Variants in WDR90 observed in about 807,000 individuals in gnomAD.
WDR90 encodes the protein WD repeat-containing protein 90.
Under a neutral mutation model 195.2 loss-of-function variants are expected in WDR90, and 238 were observed. That is an observed-to-expected ratio of 1.22 (90% confidence interval 1.10 to 1.36). The LOEUF is 1.36. WDR90 is among the 40% of genes most tolerant of loss of function. WDR90 has a pLI of 0.00. For synonymous variants in WDR90, 1,265 were observed against 1,052.4 expected (o/e 1.20, Z -3.91); for missense variants, 2,734 against 2,439.5 (o/e 1.12, Z -2.54).
intron 28 of WDR90, 126 bp from the exon 29 acceptor site, chr16:660,925 G>A: frequency 1.3e-6 from 1 of 773,038 alleles, no homozygotes; most frequent in Admixed American, 4.0e-5. Context: ...CTGGGACGAT[G>A]CTAACCCCTT....
Position 651,027 on chromosome 16 carries a change from GT to G in WDR90, c.593del (p.Val198GlyfsTer32), listed in dbSNP as rs765130080. The G allele has an allele frequency of 1.9e-6, 3 of 1,613,398 alleles. No individual in the cohort carries two copies. In the South Asian group the frequency reaches 3.3e-5, roughly 18 times the overall value. ...TGGGGCCCAGTGGGCAAAGCTGCCCGTGACTCCTATGCCTCGGGAAATGGCA... is the reference window on the plus strand; with the variant it reads ...TGGGGCCCAGTGGGCAAAGCTGCCCGGACTCCTATGCCTCGGGAAATGGCA... ...ISGAQWAKLP[V>X]TPMPREMAFP... On this transcript the variant is annotated frameshift_variant, in exon 6 of 41. Transcript: ENST00000293879. LOFTEE classifies it high-confidence loss of function.
intron 10 of WDR90, 47 bp downstream of exon 10, chr16:652,582 C>A (rs754066399): frequency 6.4e-7 from 1 of 1,558,064 alleles, no homozygotes; most frequent in Admixed American, 1.9e-5. Flanking sequence ...TTGGCCGGCT[C>A]GAGCGCTGAG....
intron 34 of WDR90, chr16:665,191 G>A (rs1006195246): frequency 1.0e-5 from 3 of 288,698 alleles, no homozygotes; most frequent in African/African-American, 2.1e-5. Flanking sequence ...GGAGGAATGC[G>A]ACTGCATGGC....
At position 661,592 on chromosome 16, in the gene WDR90, C is replaced by G. The variant is rs115255289; in HGVS notation, c.3674-5C>G. Reference sequence around the variant, plus strand: ...CCTGACGTGGCTGCTCTGTGTCCTTCCCAGGGGACCACGATGGCCGCACCC... The same window carrying G: ...CCTGACGTGGCTGCTCTGTGTCCTTGCCAGGGGACCACGATGGCCGCACCC... On this transcript the variant is annotated splice_polypyrimidine_tract_variant and splice_region_variant and intron_variant, in intron 30 of 40. Coordinates refer to ENST00000293879, the MANE Select transcript of WDR90 (RefSeq NM_145294.5). 8.5e-4 allele frequency: 1,341 copies of G among 1,585,942 alleles called. 17 individuals carry two copies. The African/African-American group carries it at 0.016, about 18-fold the overall frequency.
intron 13 of WDR90, 74 bp from the exon 14 acceptor site, chr16:654,955 C>G: frequency 6.8e-7 from 1 of 1,473,570 alleles, no homozygotes; most frequent in Non-Finnish European, 9.4e-7. Flanking sequence ...CCGGGTGGGG[C>G]TCGGCTGGGC....
At position 651,029 on chromosome 16, in the gene WDR90, GACTCCTAT is replaced by G. The variant is rs750359934; in HGVS notation, c.595_602del (p.Thr199AlafsTer16). 3 of 1,613,412 alleles carry G rather than the reference GACTCCTAT, an allele frequency of 1.9e-6. No individual in the cohort carries two copies. In the South Asian group the frequency reaches 3.3e-5, roughly 18 times the overall value. On this transcript the variant is annotated frameshift_variant, in exon 6 of 41. Coordinates refer to ENST00000293879, the MANE Select transcript of WDR90 (RefSeq NM_145294.5). LOFTEE classifies it high-confidence loss of function. Reference sequence around the variant, plus strand: ...GGGCCCAGTGGGCAAAGCTGCCCGTGACTCCTATGCCTCGGGAAATGGCATTCCCTGTG... The same window carrying G: ...GGGCCCAGTGGGCAAAGCTGCCCGTGGCCTCGGGAAATGGCATTCCCTGTG...
At chr16:657,243 C>T in intron 20 of WDR90, 22 bp downstream of exon 20, 1 of 1,529,072 alleles carries the variant, frequency 6.5e-7, no homozygotes, top group Non-Finnish European at 8.8e-7. Context: ...TGCAGCCACT[C>T]TGGGGGACTC....
At position 650,715 on chromosome 16, in the gene WDR90, G is replaced by C. The variant is rs1352432756; in HGVS notation, c.559+6G>C. On this transcript the variant is annotated splice_donor_region_variant and intron_variant, in intron 5 of 40. Transcript: ENST00000293879. ...TGACCTGTGCTTTGAGCCTGGTGAGGGCCGCACCTGCACTCCCCACTCCAT... is the reference window on the plus strand; with the variant it reads ...TGACCTGTGCTTTGAGCCTGGTGAGCGCCGCACCTGCACTCCCCACTCCAT... The C allele has an allele frequency of 6.2e-7, 1 of 1,603,024 alleles. No homozygotes were observed. Among genetic ancestry groups the C allele is most frequent in the Non-Finnish European group, 8.5e-7 (1 of 1,172,056 alleles).
chr16:651,263 G>A lies in WDR90; in HGVS notation c.733G>A (p.Ala245Thr). The change falls in exon 7 of 41, where the codon GCA becomes ACA. Residue 245 changes from alanine (A) to threonine (T), a missense_variant. Physicochemically the swap from Ala to Thr is moderately conservative, Grantham distance 58 (BLOSUM62 0). Coordinates refer to ENST00000293879, the MANE Select transcript of WDR90 (RefSeq NM_145294.5). ...TGAGAAGAGCTGTTCCCCTCCTGAG[G>A]CAGGTGGGTCTGGGGGGTCAGCGGG... ...PIEKSCSPPE[A>T]VLLGPGPQPL... The A allele has an allele frequency of 6.2e-7, 1 of 1,613,092 alleles. No homozygotes were observed.
chr16:656,223 G>C, intron 17 of WDR90, 79 bp from the exon 18 acceptor site: 2 of 1,328,330 alleles, frequency 1.5e-6, no homozygotes, highest in Non-Finnish European at 2.1e-6. Flanking sequence ...CATTTGCTGG[G>C]GTGTCGGGGA....
chr16:650,868 C>A (rs944240220), intron 5 of WDR90, 127 bp from the exon 6 acceptor site: 1 of 1,473,570 alleles, frequency 6.8e-7, no homozygotes, highest in Non-Finnish European at 9.3e-7. Context: ...GGGTCAGAAC[C>A]CATCCCAGAG....
chr16:662,491 G>A (rs2037938560), intron 33 of WDR90, 160 bp downstream of exon 33: 4 of 1,189,680 alleles, frequency 3.4e-6, no homozygotes, highest in Non-Finnish European at 4.6e-6. Flanking sequence ...GGCCTCACTG[G>A]CTGCTGTCGA....
intron 17 of WDR90, 138 bp from the exon 18 acceptor site, chr16:656,164 C>G (rs1326492398): frequency 2.3e-6 from 2 of 876,000 alleles, no homozygotes; most frequent in African/African-American, 3.3e-5. Flanking sequence ...CTCGAGGGAG[C>G]TGCATCTTGC....
At chr16:650,853 C>A in intron 5 of WDR90, 142 bp from the exon 6 acceptor site, 1 of 1,469,474 alleles carries the variant, frequency 6.8e-7, no homozygotes, top group Non-Finnish European at 9.3e-7. Flanking sequence ...CCAGAGGCAG[C>A]CCTGGGGTCA....
At chr16:652,236 C>A in intron 9 of WDR90, 197 bp downstream of exon 9, 2 of 821,912 alleles carry the variant, frequency 2.4e-6, no homozygotes, top group Non-Finnish European at 3.7e-6. Flanking sequence ...AGGGCTTCTG[C>A]TCACCCCCAA....
intron 11 of WDR90, 22 bp downstream of exon 11, chr16:653,473 G>A (rs374408489): frequency 3.7e-5 from 59 of 1,612,348 alleles, no homozygotes; most frequent in Non-Finnish European, 4.9e-5. Flanking sequence ...CCGGGCCTGG[G>A]GCAGCTCACA....
chr16:649,915 C>T (rs2037606209), intron 2 of WDR90, 61 bp downstream of exon 2: 3 of 1,596,764 alleles, frequency 1.9e-6, no homozygotes, highest in East Asian at 4.5e-5. Context: ...GAGAGCTGCC[C>T]CGCCCCCGAG....
In WDR90 at chr16:662,257, C is replaced by A; in HGVS notation, c.4071C>A (p.Gly1357=). 1 of 1,584,084 alleles carries A rather than the reference C, an allele frequency of 6.3e-7. No individual in the cohort carries two copies. Among genetic ancestry groups the A allele is most frequent in the Admixed American group, 1.8e-5 (1 of 55,772 alleles). Residue 1357 remains glycine, a synonymous_variant, in exon 33 of 41, where the codon GGC becomes GGA. Transcript: ENST00000293879. ...LLFSGSRLVS[G]SSTGRLRLWA... ...TCTCGGGTTCTCGATTGGTCAGCGG[C>A]AGCAGCACGGGGCGGCTGCGCCTGT...
At position 659,260 on chromosome 16, in the gene WDR90, C is replaced by T. The variant is rs574465871; in HGVS notation, c.3068C>T (p.Pro1023Leu). 9.3e-6 allele frequency: 15 copies of T among 1,610,996 alleles called. No homozygotes were observed. The highest frequency in any genetic ancestry group is 1.7e-4 in the Middle Eastern group (1 of 6,052). Residue 1023 changes from proline to leucine, a missense_variant, in exon 26 of 41, where the codon CCG becomes CTG. Coordinates refer to ENST00000293879, the MANE Select transcript of WDR90 (RefSeq NM_145294.5). ...PACKTGPGAG[P>L]LEDAASRASE... ...TCTTCCCCAGGCCCGGGCGCAGGAC[C>T]GCTGGAGGACGCAGCGTCCAGGGCC...
Sources: allele counts gnomAD v4.1 joint callset, GRCh38; gene constraint gnomAD v4.1.1; transcripts MANE v1.5; gene names NCBI Gene and HGNC (gene_info 2026-07-23, HGNC 2026-07-21).